Variants in SP3 observed in about 807,000 individuals in gnomAD.
SP3 encodes transcription factor Sp3.
In SP3, 10 loss-of-function variants were observed where a neutral mutation model predicts 70.3. That is an observed-to-expected ratio of 0.14 (90% CI 0.09 to 0.24). SP3 has a LOEUF of 0.24. SP3 is among the 10% of genes least tolerant of loss of function. SP3 has a pLI of 1.00. For synonymous variants in SP3, 402 were observed against 333.5 expected (o/e 1.21, Z -2.24); for missense variants, 825 against 914.6 (o/e 0.90, Z 1.26).
upstream of SP3, chr2:173,965,543 T>G (rs984593535): frequency 8.3e-6 from 2 of 239,556 alleles, no homozygotes; most frequent in East Asian, 1.2e-4. Context: ...CAGCGTAGGT[T>G]TTCGAGAGCG....
rs987078454 is a variant in SP3, at chr2:173,906,170, C to T, written c.*3771G>A. 6.6e-5 allele frequency among the ~76,000 whole-genome samples: 10 copies of T among 152,162 alleles called. No homozygotes were observed. The highest frequency in any genetic ancestry group is 2.0e-4 in the Admixed American group (3 of 15,270). Reference sequence around the variant, plus strand: ...CCTCACAAAGTCCCCCATCACCCAACATACCACACTGTACCTTTGCAAACG... The same window carrying T: ...CCTCACAAAGTCCCCCATCACCCAATATACCACACTGTACCTTTGCAAACG... On this transcript the variant is annotated 3_prime_UTR_variant, in exon 7 of 7. Coordinates refer to ENST00000310015, the MANE Select transcript of SP3 (RefSeq NM_003111.5).
chr2:173,929,430 T>A (rs1050660759), intron 4 of SP3, among the ~76,000 whole-genome samples: 1 of 152,186 alleles, frequency 6.6e-6, no homozygotes, highest in Non-Finnish European at 1.5e-5. Flanking sequence ...CACCTCTATA[T>A]CAAGTCCAGA....
chr2:173,913,281 T>C lies in SP3; in HGVS notation c.1833-15A>G, dbSNP rs750594472. 2.6e-6 allele frequency: 4 copies of C among 1,536,644 alleles called. No individual in the cohort carries two copies. Among genetic ancestry groups the C allele is most frequent in the East Asian group, 2.3e-5 (1 of 43,020 alleles). ...GATTGGTACCTCTAAAAAACACACA[T>C]AGAATAATATATACTTATATGAAAA... On this transcript the variant is annotated splice_polypyrimidine_tract_variant and intron_variant, in intron 5 of 6. Transcript: ENST00000310015.
rs1174348131 is a variant in SP3, at chr2:173,964,684, CCGGCGG to C, written c.8-137_8-132del. On this transcript the variant is annotated intron_variant, in intron 1 of 6. Transcript: ENST00000310015. ...CCCCTTCCCCTCCCCCACCCGCCCC[CCGGCGG>C]CGGCGGCGGCGGCGGCTCCCTCCTC... 132 of 378,570 alleles carry C rather than the reference CCGGCGG, an allele frequency of 3.5e-4. 11 individuals are homozygous for C. Among genetic ancestry groups the C allele is most frequent in the Middle Eastern group, 7.3e-4 (1 of 1,368 alleles). 23.5% of individuals were successfully genotyped at this position (378,570 alleles called of 1,614,324 possible).
At chr2:173,942,822 T>C (rs909443523) in intron 4 of SP3, among the ~76,000 whole-genome samples, 24 of 152,222 alleles carry the variant, frequency 1.6e-4, no homozygotes, top group Admixed American at 1.3e-4. Context: ...CCACAGGTTC[T>C]ATATCTGTGG....
At chr2:173,941,658 T>C (rs769604622) in intron 4 of SP3, among the ~76,000 whole-genome samples, 3 of 152,184 alleles carry the variant, frequency 2.0e-5, no homozygotes, top group Non-Finnish European at 2.9e-5. Flanking sequence ...ATTTACACAC[T>C]TGGCTTCCAG....
intron 4 of SP3, among the ~76,000 whole-genome samples, chr2:173,925,881 C>A (rs141030833): frequency 6.6e-6 from 1 of 152,102 alleles, no homozygotes; most frequent in Non-Finnish European, 1.5e-5. Flanking sequence ...AGTACACACA[C>A]AAAAAGATAA....
intron 4 of SP3, among the ~76,000 whole-genome samples, chr2:173,920,688 T>A (rs1689729305): frequency 6.6e-6 from 1 of 152,122 alleles, no homozygotes; most frequent in Non-Finnish European, 1.5e-5. Context: ...CCTCCCGGAT[T>A]CAAGTGATTC....
intron 6 of SP3, 112 bp from the exon 7 acceptor site, chr2:173,910,369 G>A: frequency 2.6e-6 from 2 of 774,870 alleles, no homozygotes; most frequent in Non-Finnish European, 4.1e-6. Flanking sequence ...ATGGGAGCAG[G>A]GGTCTATTAA....
intron 4 of SP3, among the ~76,000 whole-genome samples, chr2:173,922,178 T>A (rs149579000): frequency 6.6e-6 from 1 of 152,268 alleles, no homozygotes; most frequent in African/African-American, 2.4e-5. Flanking sequence ...AGGGGTAGAA[T>A]TGTTCAGTCA....
intron 4 of SP3, among the ~76,000 whole-genome samples, chr2:173,936,480 G>A (rs1690214520): frequency 6.6e-6 from 1 of 152,128 alleles, no homozygotes; most frequent in Admixed American, 6.5e-5. Flanking sequence ...ATAGTATTCA[G>A]TGCTTTTCAT....
intron 4 of SP3, among the ~76,000 whole-genome samples, chr2:173,939,081 T>C (rs995101526): frequency 2.0e-5 from 3 of 152,156 alleles, no homozygotes; most frequent in Admixed American, 1.3e-4. Context: ...GTGCAGAGGT[T>C]GAGAAATCAT....
chr2:173,936,313 C>G (rs559987011), intron 4 of SP3, among the ~76,000 whole-genome samples: 1 of 152,198 alleles, frequency 6.6e-6, no homozygotes, highest in Non-Finnish European at 1.5e-5. Flanking sequence ...ACCACCATGC[C>G]TGGCCCCGCT....
At position 173,955,367 on chromosome 2, in the gene SP3, T is replaced by G; in HGVS notation, c.1145A>C (p.Gln382Pro). 6.2e-7 allele frequency: 1 copy of G among 1,614,052 alleles called. No individual in the cohort carries two copies. Among genetic ancestry groups the G allele is most frequent in the Non-Finnish European group, 8.5e-7 (1 of 1,179,982 alleles). ...YIQSPVSEETQAQNIQVSTAQ... is the reference protein window; with the variant it reads ...YIQSPVSEETPAQNIQVSTAQ... ...TGTAGAAACCTGAATATTCTGTGCCTGTGTCTCTTCAGAAACAGGCGACTG... is the reference window on the plus strand; with the variant it reads ...TGTAGAAACCTGAATATTCTGTGCCGGTGTCTCTTCAGAAACAGGCGACTG... Residue 382 changes from glutamine to proline, a missense_variant, in exon 4 of 7, where the codon CAG becomes CCG. Around this residue, in one of 4 missense-constraint regions of SP3, gnomAD observed 678 missense variants for 651.6 expected, o/e 1.04. Coordinates refer to ENST00000310015, the MANE Select transcript of SP3 (RefSeq NM_003111.5).
intron 3 of SP3, among the ~76,000 whole-genome samples, chr2:173,959,421 G>A (rs1442431099): frequency 6.6e-6 from 1 of 151,758 alleles, no homozygotes; most frequent in Non-Finnish European, 1.5e-5. Flanking sequence ...AAGAATAAAA[G>A]GAGATTTAAA....
Position 173,904,242 on chromosome 2 carries a change from A to G in SP3, c.*5699T>C, listed in dbSNP as rs560149282. Among the ~76,000 whole-genome samples, 1 of 152,160 alleles carries G rather than the reference A, an allele frequency of 6.6e-6. No homozygotes were observed. Among genetic ancestry groups the G allele is most frequent in the East Asian group, 1.9e-4 (1 of 5,172 alleles). On this transcript the variant is annotated 3_prime_UTR_variant, in exon 7 of 7. Transcript: ENST00000310015. ...AGGGACCAGGACCAGTCTGTGGCCC[A>G]GGTGGTTCCTCACAGACCAGGGACC...
intron 4 of SP3, among the ~76,000 whole-genome samples, chr2:173,925,675 TAAG>T (rs1161282962): frequency 6.6e-6 from 1 of 152,144 alleles, no homozygotes; most frequent in African/African-American, 2.4e-5. Flanking sequence ...ATGTCACAGG[TAAG>T]AAGGTCAGAG....
intron 4 of SP3, among the ~76,000 whole-genome samples, chr2:173,947,551 AT>A (rs1690581695): frequency 6.6e-6 from 1 of 152,026 alleles, no homozygotes; most frequent in Non-Finnish European, 1.5e-5. Context: ...ACAGGATTTG[AT>A]TGTTTTTCCG....
At chr2:173,928,505 A>G (rs1689980103) in intron 4 of SP3, among the ~76,000 whole-genome samples, 1 of 123,196 alleles carries the variant, frequency 8.1e-6, no homozygotes, top group Admixed American at 8.0e-5. Flanking sequence ...TCCTTCATTA[A>G]AAAAAAAAAA....
Sources: allele counts gnomAD v4.1 joint callset (sites outside exome capture counted in the v4.1 genomes callset), GRCh38; gene constraint gnomAD v4.1.1; regional missense constraint gnomAD v4.1.1; transcripts MANE v1.5; gene names NCBI Gene and HGNC (gene_info 2026-07-23, HGNC 2026-07-21).